PHF8: variants seen among roughly 807,000 people sequenced by gnomAD.
The protein encoded by PHF8 is PHD finger protein 8, also known as histone lysine demethylase PHF8.
Under a neutral mutation model 74.4 loss-of-function variants are expected in PHF8, and 9 were observed. The ratio of observed to expected loss-of-function variants is 0.12; its 90% CI spans 0.07 to 0.21. The LOEUF is 0.21. Among genes scored for constraint, PHF8 ranks in the 10% least tolerant of loss-of-function variants. The pLI is 1.00. For synonymous variants in PHF8, 311 were observed against 316.6 expected (o/e 0.98, Z 0.19); for missense variants, 478 against 816.6 (o/e 0.59, Z 5.05).
rs782698406 is a variant in PHF8 at position 54,044,016 on chromosome X, C to T, written c.-347G>A. 4.0e-6 allele frequency: 3 copies of T among 754,268 alleles called. No homozygotes were observed. Among genetic ancestry groups the T allele is most frequent in the Admixed American group, 8.5e-5 (1 of 11,696 alleles). The allele number at this position is 754,268 out of a possible 1,213,427, so 62.2% of individuals were successfully genotyped here. A position where few individuals can be genotyped will look rare whatever the true frequency, so the allele number is the denominator to read the frequency against. Reference sequence around the variant, plus strand: ...TCGAATTCTGGGATAGTCCCCGTACCGCCGGGAACCTCGCTCGCCTTCCCC... The same window carrying T: ...TCGAATTCTGGGATAGTCCCCGTACTGCCGGGAACCTCGCTCGCCTTCCCC... On this transcript the variant is annotated 5_prime_UTR_variant, in exon 1 of 22. Coordinates refer to ENST00000338154, the MANE Select transcript of PHF8 (RefSeq NM_015107.3).
rs200532271 is a variant in PHF8, at chrX:53,985,997, T to G, written c.1996-48A>C. The G allele has an allele frequency of 1.2e-5, 14 of 1,158,216 alleles. No homozygotes were observed. The African/African-American group carries it at 2.3e-4, about 19-fold the overall frequency. Reference sequence around the variant, plus strand: ...CCTCAGCTGCCCAGGATTGGTCTGGTAAGGCCCCAGTACAGGGGCGATGAT... The same window carrying G: ...CCTCAGCTGCCCAGGATTGGTCTGGGAAGGCCCCAGTACAGGGGCGATGAT... On this transcript the variant is annotated intron_variant, in intron 16 of 21. Coordinates refer to ENST00000338154, the MANE Select transcript of PHF8 (RefSeq NM_015107.3).
chrX:53,995,231 T>C (rs782049921), intron 12 of PHF8: 68 of 338,874 alleles, frequency 2.0e-4, no homozygotes, highest in African/African-American at 1.8e-3. Flanking sequence ...ATGCAGAGAC[T>C]GAGTCAAAAT....
intron 18 of PHF8, among the ~76,000 whole-genome samples, chrX:53,966,647 C>T (rs2065192927): frequency 8.9e-6 from 1 of 111,974 alleles, no homozygotes. Context: ...CACTGCCCGG[C>T]CGCCACTCCG....
chrX:53,960,072 A>G lies in PHF8; in HGVS notation c.2539+2772T>C, dbSNP rs1408669513. ...ATTGCTTTTCCTCCTAAATTTTTCTATACTTTTTTGTGTGTGTGTGAGAGA... is the reference window on the plus strand; with the variant it reads ...ATTGCTTTTCCTCCTAAATTTTTCTGTACTTTTTTGTGTGTGTGTGAGAGA... On this transcript the variant is annotated intron_variant, in intron 19 of 21. Coordinates refer to ENST00000338154, the MANE Select transcript of PHF8 (RefSeq NM_015107.3). 3.7e-5 allele frequency among the ~76,000 whole-genome samples: 4 copies of G among 108,571 alleles called. No homozygotes were observed. The Admixed American group carries it at 4.0e-4, about 11-fold the overall frequency. 94.3% of individuals were successfully genotyped at this position (108,571 alleles called of 115,157 possible).
intron 8 of PHF8, among the ~76,000 whole-genome samples, chrX:54,009,881 A>AAAAAAAG (rs2065956245): frequency 1.0e-5 from 1 of 99,747 alleles, no homozygotes; most frequent in Non-Finnish European, 2.0e-5. Flanking sequence ...AAAAAAAAAA[A>AAAAAAAG]GTGGCTCTTT....
chrX:53,959,429 T>C (rs2065066521), intron 19 of PHF8, among the ~76,000 whole-genome samples: 1 of 111,501 alleles, frequency 9.0e-6, no homozygotes, highest in Non-Finnish European at 1.9e-5. Flanking sequence ...ATCCATTTAG[T>C]GTGGTGAATA....
In PHF8 at chrX:54,011,299, G is replaced by C. The variant is rs782383805; in HGVS notation, c.784-15C>G. The C allele has an allele frequency of 8.3e-7, 1 of 1,198,478 alleles. No homozygotes were observed. The highest frequency in any genetic ancestry group is 1.8e-5 in the African/African-American group (1 of 57,043). On this transcript the variant is annotated splice_polypyrimidine_tract_variant and intron_variant, in intron 7 of 21. Transcript: ENST00000338154. ...ATCTTTTCACCCTGAAACAAAAAGAGGTTGAAGTGACAAAAATACCAAGGG... is the reference window on the plus strand; with the variant it reads ...ATCTTTTCACCCTGAAACAAAAAGACGTTGAAGTGACAAAAATACCAAGGG...
intron 19 of PHF8, among the ~76,000 whole-genome samples, chrX:53,948,412 A>C (rs2149778928): frequency 9.0e-6 from 1 of 110,988 alleles, no homozygotes; most frequent in Admixed American, 9.5e-5. Flanking sequence ...AGCTGGGATA[A>C]CAGGCACCCA....
Position 54,014,551 on chromosome X carries a change from A to G in PHF8, c.609T>C (p.Leu203=). 10 of 1,200,721 alleles carry G rather than the reference A, an allele frequency of 8.3e-6. No individual in the cohort carries two copies. Among genetic ancestry groups the G allele is most frequent in the South Asian group, 1.8e-5 (1 of 56,533 alleles). ...LEFSDTRLSN[L]VETPKIVRKL... is the part of the protein sequence containing the mutation. ...TTCGAACAATCTTCGGTGTCTCCAC[A>G]AGGTTAGAAAGTCTACCAAGGAAGG... Residue 203 remains leucine (L), a synonymous_variant, in exon 7 of 22, where the codon CTT becomes CTC. Transcript: ENST00000338154.
rs1440821714 is a variant in PHF8, at chrX:53,937,503, G to C, written c.*1655C>G. On this transcript the variant is annotated 3_prime_UTR_variant, in exon 22 of 22. Coordinates refer to ENST00000338154, the MANE Select transcript of PHF8 (RefSeq NM_015107.3). The stretch of plus-strand genomic sequence containing the variant: ...AAAGCTGGGCAGAAACAGAGGGGAG[G>C]GGAGTAGGGACTCACGTGCTAGGGG... 1 of 114,734 alleles carries C rather than the reference G, an allele frequency of 8.7e-6. No homozygotes were observed. Among genetic ancestry groups the C allele is most frequent in the Admixed American group, 9.2e-5 (1 of 10,892 alleles). The allele number at this position is 114,734 out of a possible 1,213,427, so 9.5% of individuals were successfully genotyped here.
rs1157679502 is a variant in PHF8, at chrX:53,938,576, G to A, written c.*582C>T. ...CACTTCTGGAAATGGCCCACAGTGG[G>A]GCAGGAAGGAGGCTCTAGGCCTTCC... On this transcript the variant is annotated 3_prime_UTR_variant, in exon 22 of 22. Transcript: ENST00000338154. 7.8e-5 allele frequency: 59 copies of A among 755,883 alleles called. No individual in the cohort carries two copies. The highest frequency in any genetic ancestry group is 9.0e-5 in the Non-Finnish European group (58 of 640,974). 62.3% of individuals were successfully genotyped at this position (755,883 alleles called of 1,213,427 possible).
At chrX:53,960,887 G>T (rs1813979961) in intron 19 of PHF8, among the ~76,000 whole-genome samples, 1 of 111,097 alleles carries the variant, frequency 9.0e-6, no homozygotes, top group Non-Finnish European at 1.9e-5. Context: ...GGACTCGTGG[G>T]TGGTTCCTTC....
At chrX:54,035,754 A>G (rs1557113923) in intron 2 of PHF8, among the ~76,000 whole-genome samples, 1 of 110,758 alleles carries the variant, frequency 9.0e-6, no homozygotes, top group East Asian at 2.8e-4. Flanking sequence ...GCAGTAAACC[A>G]TGATCAAACC....
At chrX:53,944,623 T>A (rs1226859741) in intron 19 of PHF8, 1 of 170,590 alleles carries the variant, frequency 5.9e-6, no homozygotes, top group African/African-American at 3.0e-5. Flanking sequence ...GAGGCTGAAG[T>A]GGGAGGATTG....
chrX:54,025,929 G>A (rs2066259107), intron 2 of PHF8, among the ~76,000 whole-genome samples: 1 of 110,875 alleles, frequency 9.0e-6, no homozygotes, highest in Non-Finnish European at 1.9e-5. Flanking sequence ...ACCCTCACTT[G>A]CCCCACTGCC....
chrX:54,033,000 A>C (rs1247639565), intron 2 of PHF8, among the ~76,000 whole-genome samples: 2 of 110,455 alleles, frequency 1.8e-5, no homozygotes, highest in Non-Finnish European at 3.8e-5. Context: ...CAAACATAAA[A>C]CTCTGAAAGG....
At chrX:54,044,986 G>T, upstream of PHF8, 8 of 804,186 alleles carry the variant, frequency 9.9e-6, no homozygotes, top group Non-Finnish European at 1.5e-5. Context: ...CCAAATGAAG[G>T]CAGGGGCTTC....
intron 2 of PHF8, among the ~76,000 whole-genome samples, chrX:54,026,612 T>C (rs2066272292): frequency 9.0e-6 from 1 of 110,868 alleles, no homozygotes; most frequent in African/African-American, 3.3e-5. Context: ...TTGTTTTGTT[T>C]AGAGTCAGGG....
chrX:54,013,575 TG>T (rs2066014827), intron 7 of PHF8, among the ~76,000 whole-genome samples: 1 of 110,831 alleles, frequency 9.0e-6, no homozygotes, highest in South Asian at 3.9e-4. Flanking sequence ...CCCAACACTT[TG>T]GGAGGTGGAG....
Sources: allele counts gnomAD v4.1 joint callset (sites outside exome capture counted in the v4.1 genomes callset), GRCh38; gene constraint gnomAD v4.1.1; transcripts MANE v1.5; gene names NCBI Gene and HGNC (gene_info 2026-07-23, HGNC 2026-07-21).